Variants in MTCL1 observed in about 807,000 individuals in gnomAD.
MTCL1 encodes microtubule cross-linking factor 1.
MTCL1 carries 79 observed loss-of-function variants against 141.4 expected under a neutral mutation model. The ratio of observed to expected loss-of-function variants is 0.56; its 90% confidence interval spans 0.47 to 0.67. MTCL1 has a LOEUF of 0.67. Among genes scored for constraint, MTCL1 ranks in the 30% least tolerant of loss-of-function variants. MTCL1 has a pLI of 0.00. For missense variants in MTCL1, 2,177 were observed against 2,113.9 expected (o/e 1.03, Z -0.59); for synonymous variants, 914 against 875.8 (o/e 1.04, Z -0.77).
rs560194009 is a variant in MTCL1, at chr18:8,829,007, G to A, written c.*18+43G>A. 33 of 1,613,830 alleles carry A rather than the reference G, an allele frequency of 2.0e-5. 1 individual carries two copies. In the South Asian group the frequency reaches 2.3e-4, roughly 11 times the overall value. ...TGTTTCCCAACTGTCTGGAGAGGTC[G>A]TGTTGTGTAACTCGCAGTTGGCACC... On this transcript the variant is annotated intron_variant, in intron 16 of 16. Coordinates refer to ENST00000359865, the Ensembl canonical transcript of MTCL1.
chr18:8,707,903 G>A (rs2096066738), intron 1 of MTCL1, among the ~76,000 whole-genome samples: 1 of 152,208 alleles, frequency 6.6e-6, no homozygotes, highest in African/African-American at 2.4e-5. Context: ...TTCTTATGGA[G>A]CTGCTCCAAC....
At chr18:8,745,342 T>C (rs1001120079) in intron 4 of MTCL1, among the ~76,000 whole-genome samples, 80 of 152,290 alleles carry the variant, frequency 5.3e-4, no homozygotes, top group African/African-American at 1.9e-3. Flanking sequence ...CTCGGATGTA[T>C]ATTGTTTAGT....
chr18:8,799,361 A>T (rs1263032567), intron 10 of MTCL1, among the ~76,000 whole-genome samples: 1 of 152,122 alleles, frequency 6.6e-6, no homozygotes, highest in Non-Finnish European at 1.5e-5. Flanking sequence ...GTACAATCAG[A>T]TTTTCACACC....
intron 16 of MTCL1, chr18:8,831,153 GTC>G: frequency 1.0e-6 from 1 of 989,154 alleles, no homozygotes; most frequent in Non-Finnish European, 1.2e-6. Flanking sequence ...GAAATCAGAG[GTC>G]TCTTTGTGGG....
rs138609654 is a variant in MTCL1, at chr18:8,767,669, G to A, written c.358-10164G>A. The stretch of plus-strand genomic sequence containing the variant: ...CTTGTCCATCATTTCCAGGTGAGGC[G>A]GAGCAGAGGTTTAATGGAGGTGTGG... On this transcript the variant is annotated intron_variant, in intron 4 of 16. Coordinates refer to ENST00000359865, the Ensembl canonical transcript of MTCL1. 6.6e-3 allele frequency among the ~76,000 whole-genome samples: 1,006 copies of A among 152,012 alleles called. 45 individuals are homozygous for A. Among genetic ancestry groups the A allele is most frequent in the Admixed American group, 0.06 (913 of 15,270 alleles).
chr18:8,785,772 T>C, intron 6 of MTCL1, 164 bp from the exon 6 acceptor site: 4 of 784,172 alleles, frequency 5.1e-6, no homozygotes, highest in Non-Finnish European at 8.1e-6. Context: ...AAGCCTGTGT[T>C]TCTGTTCGTG....
At chr18:8,799,864 A>G (rs1568062626) in intron 10 of MTCL1, among the ~76,000 whole-genome samples, 1 of 152,250 alleles carries the variant, frequency 6.6e-6, no homozygotes, top group Non-Finnish European at 1.5e-5. Context: ...TACATTCAGC[A>G]TATTTTATTG....
At chr18:8,714,836 G>A (rs546299755), upstream of MTCL1, among the ~76,000 whole-genome samples, 7 of 151,534 alleles carry the variant, frequency 4.6e-5, no homozygotes, top group South Asian at 2.1e-4. Flanking sequence ...TCACTCCATC[G>A]CCCAGGCTGG....
chr18:8,824,356 C>T (rs951894402), intron 14 of MTCL1, among the ~76,000 whole-genome samples: 6 of 152,328 alleles, frequency 3.9e-5, no homozygotes, highest in Admixed American at 2.6e-4. Context: ...AGCTGTGGTC[C>T]GAGTGAGTCT....
chr18:8,815,417 C>T (rs1384099271), intron 12 of MTCL1, among the ~76,000 whole-genome samples: 1 of 151,896 alleles, frequency 6.6e-6, no homozygotes, highest in Non-Finnish European at 1.5e-5. Context: ...GGGAATTGAA[C>T]AGTGAGATCA....
intron 4 of MTCL1, among the ~76,000 whole-genome samples, chr18:8,748,106 T>C (rs1567973510): frequency 6.6e-6 from 1 of 152,058 alleles, no homozygotes; most frequent in Non-Finnish European, 1.5e-5. Flanking sequence ...CCCTGTCAGC[T>C]CTCTCCCTCA....
exon 4 of MTCL1, chr18:8,720,406 T>C (rs1480661436): frequency 1.2e-6 from 2 of 1,613,972 alleles, no homozygotes; most frequent in Non-Finnish European, 1.7e-6. Context: ...GCGCTAAAGC[T>C]GAGGATGAAA....
At chr18:8,726,466 A>C (rs1333092683) in intron 4 of MTCL1, among the ~76,000 whole-genome samples, 2 of 140,648 alleles carry the variant, frequency 1.4e-5, no homozygotes, top group African/African-American at 5.7e-5. Context: ...GAGGGTGAGA[A>C]TAAGAGGAGA....
At chr18:8,720,231 G>A in intron 3 of MTCL1, 107 bp from the exon 3 acceptor site, 1 of 1,006,718 alleles carries the variant, frequency 9.9e-7, no homozygotes, top group Non-Finnish European at 1.5e-6. Flanking sequence ...TCTTTGCTAT[G>A]TGGTGTAATA....
At chr18:8,786,225 A>C in intron 7 of MTCL1, 134 bp downstream of exon 6, 1 of 1,049,832 alleles carries the variant, frequency 9.5e-7, no homozygotes, top group Non-Finnish European at 1.4e-6. Flanking sequence ...GGTGGAACTC[A>C]CTTGACAGCA....
chr18:8,782,610 A>G (rs1216531999), intron 5 of MTCL1: 2 of 152,158 alleles, frequency 1.3e-5, no homozygotes, highest in Non-Finnish European at 2.9e-5. Context: ...CCCTATGAGG[A>G]CACTTCTTAG....
intron 4 of MTCL1, among the ~76,000 whole-genome samples, chr18:8,749,341 C>T (rs2096358357): frequency 6.6e-6 from 1 of 152,208 alleles, no homozygotes; most frequent in African/African-American, 2.4e-5. Flanking sequence ...GGGCTGCAAG[C>T]CATGCTGTCA....
In MTCL1 at chr18:8,810,756, T is replaced by C. The variant is rs1232240409; in HGVS notation, c.2605-2223T>C. Among the ~76,000 whole-genome samples the C allele has an allele frequency of 2.6e-5, 4 of 152,178 alleles. No individual in the cohort carries two copies. The highest frequency in any genetic ancestry group is 5.9e-5 in the Non-Finnish European group (4 of 68,026). ...TCCCCTCTTTTGTTTCTGCATTCTT[T>C]CTACTTAGAAAAAGTTTTATTTTCC... On this transcript the variant is annotated intron_variant, in intron 11 of 16. Coordinates refer to ENST00000359865, the Ensembl canonical transcript of MTCL1. The surrounding 1 kb of genome is among the most constrained non-coding windows in gnomAD (Gnocchi z 5.0).
chr18:8,752,268 A>T (rs1205757550), intron 4 of MTCL1, among the ~76,000 whole-genome samples: 1 of 152,216 alleles, frequency 6.6e-6, no homozygotes, highest in African/African-American at 2.4e-5. Context: ...AAATATTGTG[A>T]CTTTATAAAA....
Sources: allele counts gnomAD v4.1 joint callset (sites outside exome capture counted in the v4.1 genomes callset), GRCh38; gene constraint gnomAD v4.1.1; non-coding constraint Gnocchi (gnomAD v3.1); transcripts MANE v1.5; gene names NCBI Gene and HGNC (gene_info 2026-07-23, HGNC 2026-07-21).